PON1: variants seen among roughly 807,000 people sequenced by gnomAD.
PON1 encodes the protein paraoxonase 1.
In PON1, 37 loss-of-function variants were observed where a neutral mutation model predicts 39.2. The ratio of observed to expected loss-of-function variants is 0.94; its 90% CI spans 0.73 to 1.24. PON1 has a LOEUF of 1.24. Ranked by LOEUF, PON1 falls within the 50% of genes most tolerant of loss-of-function variation. The probability of loss-of-function intolerance (pLI) is 0.00; values close to 1 mark genes in which losing one functional copy is unlikely to be tolerated. For missense variants in PON1, 397 were observed against 413.5 expected (o/e 0.96, Z 0.35); for synonymous variants, 148 against 152.2 (o/e 0.97, Z 0.21).
At chr7:95,314,416 AAGGAAGGAGAGGG>A (rs1807722399) in intron 4 of PON1, among the ~76,000 whole-genome samples, 1 of 151,754 alleles carries the variant, frequency 6.6e-6, no homozygotes, top group Admixed American at 6.6e-5. Flanking sequence ...GGGAAGAGGG[AAGGAAGGAGAGGG>A]AGGAAGGGAA....
chr7:95,319,177 C>A lies in PON1; in HGVS notation c.75-784G>T, dbSNP rs927254148. On this transcript the variant is annotated intron_variant, in intron 1 of 8. Coordinates refer to ENST00000222381, the MANE Select transcript of PON1 (RefSeq NM_000446.7). ...AACTAGTGATACAGTATTGTCATAG[C>A]AAGTAGTGACAATTATCCAAATATC... is the stretch of plus-strand genomic sequence containing the variant. Among the ~76,000 whole-genome samples the A allele has an allele frequency of 2.1e-5, 3 of 143,604 alleles. No individual in the cohort carries two copies. In the East Asian group the frequency reaches 6.1e-4, roughly 29 times the overall value. 94.2% of individuals were successfully genotyped at this position (143,604 alleles called of 152,430 possible).
chr7:95,302,445 C>A, intron 7 of PON1, 112 bp from the exon 8 acceptor site: 1 of 883,782 alleles, frequency 1.1e-6, no homozygotes, highest in Non-Finnish European at 1.8e-6. Context: ...CACGCTGCTG[C>A]TTCCAAGGAT....
chr7:95,317,245 G>T (rs1408030906), intron 2 of PON1, among the ~76,000 whole-genome samples: 1 of 152,028 alleles, frequency 6.6e-6, no homozygotes, highest in Non-Finnish European at 1.5e-5. Context: ...AGTTAAAATG[G>T]GGATACATTT....
chr7:95,302,382 A>G (rs1429361388), intron 7 of PON1, 49 bp from the exon 8 acceptor site: 3 of 1,543,750 alleles, frequency 1.9e-6, no homozygotes, highest in East Asian at 2.3e-5. Flanking sequence ...GTAAAACACA[A>G]TTGTGATGGA....
chr7:95,312,418 G>A (rs1364787554), intron 4 of PON1, among the ~76,000 whole-genome samples: 2 of 152,164 alleles, frequency 1.3e-5, no homozygotes, highest in Non-Finnish European at 2.9e-5. Context: ...AATTTGGCAG[G>A]TTGAATTGAG....
chr7:95,318,032 G>A (rs1231398050), intron 2 of PON1, among the ~76,000 whole-genome samples: 1 of 151,472 alleles, frequency 6.6e-6, no homozygotes, highest in Non-Finnish European at 1.5e-5. Flanking sequence ...CATCTCCTCA[G>A]GTTAGATTGC....
chr7:95,320,139 C>T (rs1807862810), intron 1 of PON1, among the ~76,000 whole-genome samples: 1 of 152,180 alleles, frequency 6.6e-6, no homozygotes, highest in Non-Finnish European at 1.5e-5. Flanking sequence ...GACATAAAAT[C>T]ACTGAATGGG....
At chr7:95,318,423 C>G in intron 1 of PON1, 30 bp from the exon 2 acceptor site, 1 of 1,542,942 alleles carries the variant, frequency 6.5e-7, no homozygotes, top group African/African-American at 1.4e-5. Context: ...AAAACACACA[C>G]AAAACTATTC....
chr7:95,299,024 C>T lies in PON1; in HGVS notation c.988G>A (p.Gly330Ser), dbSNP rs145997673. ...VYAENGTVLQ[G>S]STVASVYKGK... Reference sequence around the variant, plus strand: ...TTGTACACAGAGGCAACTGTACTGCCTTGCAACACTGTGCCATTTTCTGCA... The same window carrying T: ...TTGTACACAGAGGCAACTGTACTGCTTTGCAACACTGTGCCATTTTCTGCA... Residue 330 changes from glycine to serine, a missense_variant, in exon 9 of 9, where the codon GGC (glycine) becomes AGC (serine). Gly to Ser is a moderately conservative substitution (Grantham distance 56, BLOSUM62 0). Coordinates refer to ENST00000222381, the MANE Select transcript of PON1 (RefSeq NM_000446.7). 3 of 1,613,984 alleles carry T rather than the reference C, an allele frequency of 1.9e-6. No homozygotes were observed. The highest frequency in any genetic ancestry group is 1.3e-5 in the African/African-American group (1 of 74,924).
At chr7:95,304,165 A>G (rs968989126) in intron 7 of PON1, among the ~76,000 whole-genome samples, 1 of 151,956 alleles carries the variant, frequency 6.6e-6, no homozygotes, top group Non-Finnish European at 1.5e-5. Context: ...GTTCCTAGCA[A>G]TCACCATTCT....
Position 95,301,121 on chromosome 7 carries a change from T to G in PON1, c.909+1084A>C, listed in dbSNP as rs79253142. ...TGTCAAGATGATATCATATATATGA[T>G]GTAAGTAATAAGTATCCTTAGTAGA... On this transcript the variant is annotated intron_variant, in intron 8 of 8. Transcript: ENST00000222381. Among the ~76,000 whole-genome samples, 346 of 152,228 alleles carry G rather than the reference T, an allele frequency of 2.3e-3. 3 individuals are homozygous for G. Among genetic ancestry groups the G allele is most frequent in the Non-Finnish European group, 4.3e-3 (292 of 68,018 alleles).
intron 1 of PON1, among the ~76,000 whole-genome samples, chr7:95,319,578 G>T (rs1309114506): frequency 6.6e-6 from 1 of 152,166 alleles, no homozygotes; most frequent in Non-Finnish European, 1.5e-5. Context: ...AGATGATGAA[G>T]GCTTGGACTG....
intron 5 of PON1, among the ~76,000 whole-genome samples, chr7:95,310,424 A>T (rs1807628634): frequency 6.6e-6 from 1 of 152,206 alleles, no homozygotes; most frequent in South Asian, 2.1e-4. Flanking sequence ...TCTCCAAAAT[A>T]TATTTGTTAA....
intron 1 of PON1, among the ~76,000 whole-genome samples, chr7:95,322,305 G>T (rs1807913645): frequency 6.8e-6 from 1 of 146,164 alleles, no homozygotes; most frequent in African/African-American, 2.6e-5. Flanking sequence ...TTATTTATAT[G>T]TTTTATATAA....
intron 5 of PON1, among the ~76,000 whole-genome samples, chr7:95,310,214 TATAATA>T (rs914698461): frequency 1.3e-5 from 2 of 152,228 alleles, no homozygotes; most frequent in African/African-American, 4.8e-5. Flanking sequence ...CCAAAATGGA[TATAATA>T]ATAACACCTA....
chr7:95,320,293 A>G (rs1318128512), intron 1 of PON1, among the ~76,000 whole-genome samples: 2 of 152,238 alleles, frequency 1.3e-5, no homozygotes, highest in Admixed American at 6.5e-5. Context: ...AGAACTGGTC[A>G]GCTCCTATTC....
chr7:95,315,521 A>G (rs761711279), intron 3 of PON1, 31 bp from the exon 4 acceptor site: 1 of 1,606,098 alleles, frequency 6.2e-7, no homozygotes, highest in African/African-American at 1.3e-5. Context: ...AAAATCAAGC[A>G]CAATACCAGT....
rs1441240779 is a variant in PON1, at chr7:95,302,517, ATTT to A, written c.781-187_781-185del. On this transcript the variant is annotated intron_variant, in intron 7 of 8. Coordinates refer to ENST00000222381, the MANE Select transcript of PON1 (RefSeq NM_000446.7). ...TCTCTGACCTTTCATCTATGCTAGT[ATTT>A]TGTCAGTTTCCAGGGCAGAATTGGG... 3 of 591,384 alleles carry A rather than the reference ATTT, an allele frequency of 5.1e-6. No individual in the cohort carries two copies. The African/African-American group carries it at 5.6e-5, about 11-fold the overall frequency. 36.6% of individuals were successfully genotyped at this position (591,384 alleles called of 1,614,324 possible). A position where few individuals can be genotyped will look rare whatever the true frequency, so the allele number is the denominator to read the frequency against.
At chr7:95,316,291 T>C (rs1444917886) in intron 3 of PON1, among the ~76,000 whole-genome samples, 1 of 152,190 alleles carries the variant, frequency 6.6e-6, no homozygotes, top group Non-Finnish European at 1.5e-5. Flanking sequence ...GAATTGGGAA[T>C]TGGGACCTAT....
Sources: gnomAD v4.1 joint callset for allele counts (sites outside exome capture counted in the v4.1 genomes callset) on GRCh38, gnomAD v4.1.1 for gene constraint, MANE v1.5 for transcripts, NCBI Gene and HGNC (gene_info 2026-07-23, HGNC 2026-07-21) for gene names.